NOP14: variants seen among roughly 807,000 people sequenced by gnomAD.
NOP14 encodes the protein nucleolar protein 14.
In NOP14, 57 loss-of-function variants were observed where a neutral mutation model predicts 101.6. That is an observed-to-expected ratio of 0.56 (90% CI 0.45 to 0.70). NOP14 has a LOEUF of 0.70. NOP14 is among the 30% of genes least tolerant of loss of function. NOP14 has a pLI of 0.00. For missense variants in NOP14, 1,134 were observed against 1,075.5 expected (o/e 1.05, Z -0.76); for synonymous variants, 428 against 424.0 (o/e 1.01, Z -0.12).
chr4:2,948,113 G>A (rs1011532876), intron 9 of NOP14, among the ~76,000 whole-genome samples, 165 bp downstream of exon 9: 1 of 152,256 alleles, frequency 6.6e-6, no homozygotes, highest in Non-Finnish European at 1.5e-5. Context: ...CTCTGCCGGT[G>A]CCATACCAAG....
At chr4:2,940,059 T>C (rs952956636) in intron 15 of NOP14, among the ~76,000 whole-genome samples, 2 of 152,220 alleles carry the variant, frequency 1.3e-5, no homozygotes, top group Admixed American at 6.5e-5. Flanking sequence ...GGAGAACCCC[T>C]TTCTGCCGCG....
In NOP14 at chr4:2,955,516, C is replaced by T. The variant is rs544482484; in HGVS notation, c.473-953G>A. On this transcript the variant is annotated intron_variant, in intron 3 of 17. Transcript: ENST00000416614. Reference sequence around the variant, plus strand: ...CTCTAGTCACCTGCACCACAGCGCCCCCTCTAGTCACCTGCACGCCACGGC... The same window carrying T: ...CTCTAGTCACCTGCACCACAGCGCCTCCTCTAGTCACCTGCACGCCACGGC... Among the ~76,000 whole-genome samples the T allele has an allele frequency of 2.9e-3, 425 of 148,648 alleles. 1 individual carries two copies. The highest frequency in any genetic ancestry group is 7.3e-3 in the African/African-American group (292 of 40,230).
In NOP14 at chr4:2,957,589, C is replaced by G. The variant is rs1715435961; in HGVS notation, c.330+17G>C. 6.2e-7 allele frequency: 1 copy of G among 1,613,242 alleles called. No homozygotes were observed. Among genetic ancestry groups the G allele is most frequent in the Non-Finnish European group, 8.5e-7 (1 of 1,179,676 alleles). ...TGAAATGTACAGCAAAAACCCTCCT[C>G]CAGTTTCTTTCCATACCTGCTGTTC... is the stretch of plus-strand genomic sequence containing the variant. On this transcript the variant is annotated intron_variant, in intron 2 of 17. Transcript: ENST00000416614.
chr4:2,938,259 T>G lies in NOP14; in HGVS notation c.*572A>C. ...AAAAATTACTTTTTTGGCTGGGTGC[T>G]GTGGCTCACACCTATAATTGGGGGG... On this transcript the variant is annotated 3_prime_UTR_variant, in exon 18 of 18. Transcript: ENST00000416614. The G allele has an allele frequency of 1.6e-6, 2 of 1,285,506 alleles. No homozygotes were observed. The highest frequency in any genetic ancestry group is 5.6e-5 in the East Asian group (1 of 17,930). 79.6% of individuals were successfully genotyped at this position (1,285,506 alleles called of 1,614,324 possible). A position where few individuals can be genotyped will look rare whatever the true frequency, so the allele number is the denominator to read the frequency against.
intron 3 of NOP14, among the ~76,000 whole-genome samples, chr4:2,955,979 A>G (rs1715323049): frequency 6.6e-6 from 1 of 152,246 alleles, no homozygotes; most frequent in Admixed American, 6.5e-5. Context: ...TTAGATTTGT[A>G]CACCTTTGTT....
chr4:2,945,172 C>A lies in NOP14; in HGVS notation c.1693G>T (p.Val565Leu), dbSNP rs1373090598. ...LFPTSDFWHPVVTPALVCLSQ... is the reference protein window; with the variant it reads ...LFPTSDFWHPLVTPALVCLSQ... ...AGGCACACGAGGGCAGGGGTCACCA[C>A]TGGGTGCCAGAAGTCGGAAGTTGGA... Residue 565 changes from valine (V) to leucine (L), a missense_variant, in exon 12 of 18, where the codon GTG becomes TTG. Val to Leu is a conservative substitution (Grantham distance 32). Transcript: ENST00000416614. 4.4e-6 allele frequency: 7 copies of A among 1,592,966 alleles called. No individual in the cohort carries two copies. In the Admixed American group the frequency reaches 1.2e-4, roughly 28 times the overall value.
At chr4:2,939,450 G>A (rs150241893) in intron 16 of NOP14, 77 bp downstream of exon 16, 13 of 1,597,528 alleles carry the variant, frequency 8.1e-6, no homozygotes, top group South Asian at 6.6e-5. Context: ...CTCAACTGCA[G>A]AACTGGCAGA....
rs777651321 is a variant in NOP14 at position 2,963,251 on chromosome 4, G to C, written c.69C>G (p.Gly23=). Reference sequence around the variant, plus strand: ...ACGGATTGGAGTTGGCCTTCGCCGGGCCCCCTCGCGCTCCCGCCGGCGCCC... The same window carrying C: ...ACGGATTGGAGTTGGCCTTCGCCGGCCCCCCTCGCGCTCCCGCCGGCGCCC... ...ASGAPAGARG[G]PAKANSNPFE... Residue 23 remains glycine, a synonymous_variant, in exon 1 of 18, where the codon GGC becomes GGG. Transcript: ENST00000416614. 18 of 1,590,170 alleles carry C rather than the reference G, an allele frequency of 1.1e-5. No individual in the cohort carries two copies. Among genetic ancestry groups the C allele is most frequent in the African/African-American group, 1.4e-5 (1 of 72,062 alleles).
chr4:2,939,512 G>A lies in NOP14; in HGVS notation c.2318+15C>T. The A allele has an allele frequency of 6.2e-7, 1 of 1,610,398 alleles. No individual in the cohort carries two copies. The highest frequency in any genetic ancestry group is 1.3e-5 in the African/African-American group (1 of 75,002). On this transcript the variant is annotated intron_variant, in intron 16 of 17. Coordinates refer to ENST00000416614, the MANE Select transcript of NOP14 (RefSeq NM_001291978.2). The stretch of plus-strand genomic sequence containing the variant: ...CACAGCCCTGGCCTCCCAGGGAGAT[G>A]CTGCCAGCACCCACACTTTGACCAG...
chr4:2,955,485 C>T lies in NOP14; in HGVS notation c.473-922G>A, dbSNP rs555814120. ...CCCTCTAGTCACCTGCACGCCACGG[C>T]GCCCCCTCTAGTCACCTGCACCACA... On this transcript the variant is annotated intron_variant, in intron 3 of 17. Transcript: ENST00000416614. Among the ~76,000 whole-genome samples, 36 of 146,400 alleles carry T rather than the reference C, an allele frequency of 2.5e-4. No individual in the cohort carries two copies. The South Asian group carries it at 5.1e-3, about 21-fold the overall frequency.
intron 7 of NOP14, 153 bp from the exon 8 acceptor site, chr4:2,950,366 G>A (rs1398076811): frequency 4.7e-5 from 36 of 759,560 alleles, no homozygotes; most frequent in Non-Finnish European, 6.8e-5. Context: ...CTGGCACTAG[G>A]CCTCCTGCCC....
chr4:2,947,629 G>C lies in NOP14; in HGVS notation c.1414-18C>G, dbSNP rs770362934. 3.1e-6 allele frequency: 5 copies of C among 1,601,490 alleles called. No individual in the cohort carries two copies. The African/African-American group carries it at 6.7e-5, about 21-fold the overall frequency. On this transcript the variant is annotated intron_variant, in intron 9 of 17. Transcript: ENST00000416614. ...AACAGTTTCTGCAGGAACATGAATT[G>C]GGAAATAAAGCTCAGTGCTCAGCAC...
chr4:2,939,725 C>T, intron 15 of NOP14, 80 bp from the exon 16 acceptor site: 1 of 1,091,372 alleles, frequency 9.2e-7, no homozygotes. Context: ...TCTGTGGTGT[C>T]AAGGCAGCGT....
chr4:2,948,326 C>T lies in NOP14; in HGVS notation c.1365G>A (p.Gln455=), dbSNP rs1714796964. 6.2e-7 allele frequency: 1 copy of T among 1,610,694 alleles called. No homozygotes were observed. Among genetic ancestry groups the T allele is most frequent in the Non-Finnish European group, 8.5e-7 (1 of 1,179,298 alleles). ...EEQLLVVERI[Q]KCNHPSLAEG... ...CTGCGAGACTCGGGTGGTTGCACTT[C>T]TGAATTCTCTCCACCACCAAAAGCT... Residue 455 remains glutamine, a synonymous_variant, in exon 9 of 18, where the codon CAG becomes CAA. Transcript: ENST00000416614.
intron 8 of NOP14, among the ~76,000 whole-genome samples, 199 bp downstream of exon 8, chr4:2,949,735 G>C (rs1714886298): frequency 6.6e-6 from 1 of 152,166 alleles, no homozygotes; most frequent in African/African-American, 2.4e-5. Flanking sequence ...CCGGCCTACA[G>C]AACCACAGTC....
At chr4:2,959,971 CTT>C (rs140387036) in intron 1 of NOP14, among the ~76,000 whole-genome samples, 28 of 145,564 alleles carry the variant, frequency 1.9e-4, no homozygotes, top group Middle Eastern at 3.6e-3. Flanking sequence ...ACACTGAGAC[CTT>C]TTTTTTTTTT....
At chr4:2,959,613 AACAC>A (rs1715594092) in intron 1 of NOP14, among the ~76,000 whole-genome samples, 1 of 151,958 alleles carries the variant, frequency 6.6e-6, no homozygotes, top group Non-Finnish European at 1.5e-5. Context: ...AAAAACAAAA[AACAC>A]AAACAAACCA....
Position 2,938,403 on chromosome 4 carries a change from C to A in NOP14, c.*428G>T, listed in dbSNP as rs1713833480. 21 of 376,628 alleles carry A rather than the reference C, an allele frequency of 5.6e-5. No homozygotes were observed. The highest frequency in any genetic ancestry group is 4.1e-4 in the South Asian group (21 of 50,656). The allele number at this position is 376,628 out of a possible 1,614,324, so 23.3% of individuals were successfully genotyped here. A position where few individuals can be genotyped will look rare whatever the true frequency, so the allele number is the denominator to read the frequency against. On this transcript the variant is annotated 3_prime_UTR_variant, in exon 18 of 18. Coordinates refer to ENST00000416614, the MANE Select transcript of NOP14 (RefSeq NM_001291978.2). ...GGCGTGGTGGCACATGTCTGTAATC[C>A]CAGCTACTCGGGAGGCTGAGGCAGG... is the stretch of plus-strand genomic sequence containing the variant.
At chr4:2,941,412 C>T in intron 15 of NOP14, 170 bp downstream of exon 15, 1 of 642,396 alleles carries the variant, frequency 1.6e-6, no homozygotes, top group South Asian at 1.9e-5. Context: ...CAGCACTGCT[C>T]ACCGTCACTG....
Sources: gnomAD v4.1 joint callset for allele counts (sites outside exome capture counted in the v4.1 genomes callset) on GRCh38, gnomAD v4.1.1 for gene constraint, MANE v1.5 for transcripts, NCBI Gene and HGNC (gene_info 2026-07-23, HGNC 2026-07-21) for gene names.